Variants in MED24 observed in about 807,000 individuals in gnomAD.
MED24 encodes mediator complex subunit 24.
Under a neutral mutation model 118.8 loss-of-function variants are expected in MED24, and 74 were observed. That is an observed-to-expected ratio of 0.62 (90% CI 0.52 to 0.76). The LOEUF (loss-of-function observed/expected upper bound fraction) is 0.76, where lower values mean the gene tolerates loss of function less well. MED24 is among the 30% of genes least tolerant of loss of function. The pLI is 0.00. For synonymous variants in MED24, 521 were observed against 523.9 expected, an observed-to-expected ratio of 0.99 and a Z score of 0.08; for missense variants, 1,041 against 1,278.9, an observed-to-expected ratio of 0.81 and a Z score of 2.84.
chr17:40,053,219 A>G (rs1242658489), intron 3 of MED24, 79 bp downstream of exon 3: 16 of 1,341,804 alleles, frequency 1.2e-5, no homozygotes, highest in Non-Finnish European at 1.5e-5. Context: ...ACAGCCATGA[A>G]CCACCGGGGC....
chr17:40,047,359 A>G (rs1183207204), intron 3 of MED24, among the ~76,000 whole-genome samples: 1 of 152,016 alleles, frequency 6.6e-6, no homozygotes, highest in Non-Finnish European at 1.5e-5. Context: ...GGTACATACA[A>G]TTGCTAAAAC....
Position 40,028,854 on chromosome 17 carries a change from G to A in MED24, c.1381C>T (p.Leu461=). The A allele has an allele frequency of 6.2e-7, 1 of 1,614,124 alleles. No homozygotes were observed. ...ATGAATTTCCGGGCGAAGGATTTCAGCTTTCCAGTGGCGGCGGCGGCAGCC... is the reference window on the plus strand; with the variant it reads ...ATGAATTTCCGGGCGAAGGATTTCAACTTTCCAGTGGCGGCGGCGGCAGCC... The part of the protein sequence containing the change: ...LLAAAAATGK[L]KSFARKFINL... Residue 461 remains leucine (L), a synonymous_variant, in exon 14 of 26, where the codon CTG becomes TTG. Coordinates refer to ENST00000394128, the MANE Select transcript of MED24 (RefSeq NM_014815.4).
chr17:40,021,809 C>T, intron 23 of MED24, 146 bp downstream of exon 23: 2 of 612,952 alleles, frequency 3.3e-6, no homozygotes, highest in East Asian at 3.0e-5. Flanking sequence ...ACAGAGCACC[C>T]CCTTGGGGGC....
chr17:40,029,011 AC>A, intron 13 of MED24, 43 bp from the exon 14 acceptor site: 1 of 1,611,886 alleles, frequency 6.2e-7, no homozygotes. Context: ...AACACTGAAG[AC>A]CCCCCACCCA....
chr17:40,022,989 A>G (rs1004188729), intron 20 of MED24, 142 bp downstream of exon 20: 5 of 1,357,024 alleles, frequency 3.7e-6, no homozygotes, highest in Non-Finnish European at 4.0e-6. Context: ...GAGCTCCCCA[A>G]GGAGGCAACT....
chr17:40,045,249 G>A (rs1490226231), intron 3 of MED24, among the ~76,000 whole-genome samples: 2 of 151,978 alleles, frequency 1.3e-5, no homozygotes, highest in Admixed American at 6.6e-5. Context: ...AGGAGTTTGA[G>A]ACCAGCCTGG....
intron 23 of MED24, chr17:40,020,673 C>G (rs1279134046): frequency 2.3e-5 from 9 of 383,212 alleles, no homozygotes; most frequent in Non-Finnish European, 4.5e-5. Context: ...GTAGTCCCAG[C>G]TCCTCGGGAG....
At position 40,031,587 on chromosome 17, in the gene MED24, A is replaced by C; in HGVS notation, c.1018T>G (p.Phe340Val). ...AACAAGGGGGTGAGCTTCAGCAGGA[A>C]CTCAAAAGCACAGTTGACATCCTCA... ...FTEDVNCAFE[F>V]LLKLTPLLDK... The change falls in exon 11 of 26, where the codon TTC (phenylalanine) becomes GTC (valine). Residue 340 changes from phenylalanine (F) to valine (V), a missense_variant. This residue lies in a region of MED24 where 434 missense variants were observed against 514.9 expected (regional missense o/e 0.84). Coordinates refer to ENST00000394128, the MANE Select transcript of MED24 (RefSeq NM_014815.4). 1 of 1,614,134 alleles carries C rather than the reference A, an allele frequency of 6.2e-7. No homozygotes were observed. Among genetic ancestry groups the C allele is most frequent in the African/African-American group, 1.3e-5 (1 of 75,040 alleles).
chr17:40,023,631 A>C, intron 19 of MED24: 1 of 470,498 alleles, frequency 2.1e-6, no homozygotes, highest in Non-Finnish European at 3.7e-6. Context: ...CTGGGGAGGG[A>C]CTTTCCTCCC....
intron 14 of MED24, 114 bp from the exon 15 acceptor site, chr17:40,028,060 C>A (rs1982913391): frequency 9.3e-7 from 1 of 1,080,676 alleles, no homozygotes; most frequent in African/African-American, 1.6e-5. Context: ...ACTGGTTAAA[C>A]TTAAAATGAG....
rs1982240456 is a variant in MED24, at chr17:40,023,140, G to A, written c.2241C>T (p.Asn747=). 3.1e-6 allele frequency: 5 copies of A among 1,613,750 alleles called. No homozygotes were observed. The highest frequency in any genetic ancestry group is 4.2e-6 in the Non-Finnish European group (5 of 1,179,740). ...HMGGVYWFCN[N]LIKELLKETR... ...ACTCCAGCCCAAGTACCTTAATCAG[G>A]TTGTTGCAGAACCAGTAGACGCCGC... Residue 747 remains asparagine (N), a synonymous_variant, in exon 20 of 26, where the codon AAC becomes AAT. Transcript: ENST00000394128.
At chr17:40,029,068 A>C in intron 13 of MED24, 100 bp from the exon 14 acceptor site, 1 of 1,496,960 alleles carries the variant, frequency 6.7e-7, no homozygotes, top group Middle Eastern at 1.7e-4. Flanking sequence ...CTGGAATGTA[A>C]TCTACATCTT....
In MED24 at chr17:40,053,463, T is replaced by G. The variant is rs1295951592; in HGVS notation, c.130+6A>C. 1 of 1,614,120 alleles carries G rather than the reference T, an allele frequency of 6.2e-7. No homozygotes were observed. The highest frequency in any genetic ancestry group is 8.5e-7 in the Non-Finnish European group (1 of 1,179,962). ...TCCCATCTTTCTTTCCCAGTTCACT[T>G]GAGACCTGCCAGGTTGAGAATATCC... On this transcript the variant is annotated splice_donor_region_variant and intron_variant, in intron 2 of 25. Transcript: ENST00000394128.
intron 3 of MED24, 135 bp downstream of exon 3, chr17:40,053,163 G>A: frequency 1.2e-6 from 1 of 828,316 alleles, no homozygotes; most frequent in Non-Finnish European, 1.9e-6. Context: ...TTGAACTCCT[G>A]GGCTCAAGCA....
In MED24 at chr17:40,029,865, G is replaced by A. The variant is rs1327664492; in HGVS notation, c.1155-6C>T. On this transcript the variant is annotated splice_region_variant and splice_polypyrimidine_tract_variant and intron_variant, in intron 12 of 25. Transcript: ENST00000394128. ...CGTGCTCTCGGTCCGCTTTGCTGTG[G>A]ACATCACCAGTTGGCCAAGGAAGGG... 3 of 1,613,360 alleles carry A rather than the reference G, an allele frequency of 1.9e-6. No homozygotes were observed. Among genetic ancestry groups the A allele is most frequent in the African/African-American group, 1.3e-5 (1 of 74,900 alleles).
At chr17:40,042,988 G>A (rs1171286246) in intron 3 of MED24, among the ~76,000 whole-genome samples, 1 of 152,216 alleles carries the variant, frequency 6.6e-6, no homozygotes, top group Non-Finnish European at 1.5e-5. Flanking sequence ...ATCTCACTCT[G>A]TCACACAGGC....
chr17:40,045,047 T>C (rs9907437), intron 3 of MED24, among the ~76,000 whole-genome samples: 3,169 of 152,236 alleles, frequency 0.021, 136 homozygotes, highest in African/African-American at 0.073. Context: ...CATTGTGAGG[T>C]ATCCACCCTA....
chr17:40,031,302 G>T, intron 11 of MED24, 57 bp from the exon 12 acceptor site: 1 of 1,463,084 alleles, frequency 6.8e-7, no homozygotes, highest in South Asian at 1.2e-5. Flanking sequence ...GGTGAGGGGT[G>T]GGAGTGGCAG....
At chr17:40,029,486 C>A (rs779777014) in intron 13 of MED24, among the ~76,000 whole-genome samples, 2 of 152,196 alleles carry the variant, frequency 1.3e-5, no homozygotes, top group Non-Finnish European at 2.9e-5. Context: ...GCGTGAGCCA[C>A]CGCACCCACG....
Sources: gnomAD v4.1 joint callset for allele counts (sites outside exome capture counted in the v4.1 genomes callset) on GRCh38, gnomAD v4.1.1 for gene constraint, gnomAD v4.1.1 regional missense constraint, MANE v1.5 for transcripts, NCBI Gene and HGNC (gene_info 2026-07-23, HGNC 2026-07-21) for gene names.